The following ZUP1 variants were observed in gnomAD, a reference collection of about 807,000 sequenced individuals.
ZUP1 encodes the protein zinc finger-containing ubiquitin peptidase 1.
In ZUP1, 55 loss-of-function variants were observed where a neutral mutation model predicts 68.1. The ratio of observed to expected loss-of-function variants is 0.81; its 90% CI spans 0.65 to 1.01. ZUP1 has a LOEUF of 1.01. Among genes scored for constraint, ZUP1 ranks in the 50% least tolerant of loss-of-function variants. The pLI, the probability that ZUP1 is intolerant of heterozygous loss-of-function variation, is 0.00. For synonymous variants in ZUP1, 223 were observed against 221.5 expected, an observed-to-expected ratio of 1.01 and a Z score of -0.06; for missense variants, 684 against 674.9, an observed-to-expected ratio of 1.01 and a Z score of -0.15.
intron 9 of ZUP1, 36 bp downstream of exon 9, chr6:116,645,678 C>A: frequency 1.4e-6 from 2 of 1,451,122 alleles, no homozygotes; most frequent in South Asian, 2.6e-5. Flanking sequence ...AAGTTCATCT[C>A]ATTCAAACTT....
Position 116,668,236 on chromosome 6 carries a change from AG to A in ZUP1, c.-16+329del, listed in dbSNP as rs757603562. On this transcript the variant is annotated intron_variant, in intron 1 of 9. Transcript: ENST00000368576. ...CTGATTTTAGAAGGCAGTTCTCCCG[AG>A]CCCCCAGTGGGATTAATGTCACACC... is the stretch of plus-strand genomic sequence containing the variant. 2.0e-5 allele frequency among the ~76,000 whole-genome samples: 3 copies of A among 152,300 alleles called. No homozygotes were observed. The East Asian group carries it at 5.8e-4, about 29-fold the overall frequency.
At chr6:116,638,748 A>T (rs1030819212) in intron 9 of ZUP1, among the ~76,000 whole-genome samples, 1 of 152,242 alleles carries the variant, frequency 6.6e-6, no homozygotes, top group Non-Finnish European at 1.5e-5. Flanking sequence ...TACAGCTCCC[A>T]GCATGAGTGA....
chr6:116,639,838 G>A (rs1399586728), intron 9 of ZUP1, among the ~76,000 whole-genome samples: 1 of 152,204 alleles, frequency 6.6e-6, no homozygotes, highest in African/African-American at 2.4e-5. Flanking sequence ...GCTGGACGGA[G>A]AATGACTTTG....
At chr6:116,659,090 T>C (rs1583376661) in intron 3 of ZUP1, among the ~76,000 whole-genome samples, 166 bp from the exon 4 acceptor site, 2 of 152,342 alleles carry the variant, frequency 1.3e-5, no homozygotes, top group South Asian at 4.1e-4. Flanking sequence ...AGAACTGCTT[T>C]GGTAAGGAAT....
intron 9 of ZUP1, among the ~76,000 whole-genome samples, chr6:116,640,637 C>T (rs1776067142): frequency 6.6e-6 from 1 of 151,944 alleles, no homozygotes; most frequent in Non-Finnish European, 1.5e-5. Context: ...CAAGCAAATG[C>T]TGAGAGATTT....
chr6:116,643,226 T>G (rs888469507), intron 9 of ZUP1, among the ~76,000 whole-genome samples: 89 of 152,226 alleles, frequency 5.8e-4, no homozygotes, highest in African/African-American at 2.1e-3. Flanking sequence ...TGCTCATGGG[T>G]AGGAAGAATC....
chr6:116,667,329 A>T, intron 1 of ZUP1, 122 bp from the exon 2 acceptor site: 1 of 505,738 alleles, frequency 2.0e-6, no homozygotes, highest in South Asian at 7.5e-5. Context: ...TTTTCAATGT[A>T]CTTACTGTTC....
chr6:116,650,609 T>C (rs911939474), intron 7 of ZUP1, among the ~76,000 whole-genome samples: 2 of 152,114 alleles, frequency 1.3e-5, no homozygotes, highest in Non-Finnish European at 2.9e-5. Context: ...TACCTTCTTT[T>C]ATCAATAGTA....
intron 2 of ZUP1, among the ~76,000 whole-genome samples, chr6:116,665,824 C>G (rs1390385681): frequency 6.7e-5 from 10 of 149,376 alleles, no homozygotes; most frequent in Non-Finnish European, 1.5e-4. Context: ...CTCCTGGACT[C>G]AAGGGATCTG....
At chr6:116,641,775 A>T (rs1489626639) in intron 9 of ZUP1, among the ~76,000 whole-genome samples, 1 of 152,156 alleles carries the variant, frequency 6.6e-6, no homozygotes, top group African/African-American at 2.4e-5. Flanking sequence ...TCACAATTAA[A>T]AGAACTAGAA....
intron 4 of ZUP1, 43 bp downstream of exon 4, chr6:116,658,760 C>T (rs1443524312): frequency 1.3e-6 from 2 of 1,499,850 alleles, no homozygotes; most frequent in African/African-American, 2.8e-5. Flanking sequence ...TGAAAAATAA[C>T]TTTACCAAAT....
chr6:116,665,307 G>C (rs1385174268), intron 2 of ZUP1, among the ~76,000 whole-genome samples: 1 of 152,050 alleles, frequency 6.6e-6, no homozygotes, highest in Non-Finnish European at 1.5e-5. Flanking sequence ...CTTTTACATA[G>C]AGTAATTCAA....
At chr6:116,638,896 C>T (rs969343169) in intron 9 of ZUP1, among the ~76,000 whole-genome samples, 9 of 152,300 alleles carry the variant, frequency 5.9e-5, no homozygotes, top group Admixed American at 1.3e-4. Flanking sequence ...TTGCCTCACT[C>T]GGGAAGCGCA....
intron 5 of ZUP1, among the ~76,000 whole-genome samples, chr6:116,655,711 C>T (rs1776642657): frequency 6.6e-6 from 1 of 152,188 alleles, no homozygotes. Flanking sequence ...GCTGTGTAAC[C>T]TTGCTTTGGC....
intron 5 of ZUP1, among the ~76,000 whole-genome samples, chr6:116,652,472 T>A (rs1285507724): frequency 2.0e-5 from 3 of 152,156 alleles, no homozygotes; most frequent in African/African-American, 7.2e-5. Flanking sequence ...TCTTCTTGTG[T>A]CTCCATTTTA....
intron 9 of ZUP1, among the ~76,000 whole-genome samples, chr6:116,639,097 T>C (rs1259592112): frequency 6.6e-6 from 1 of 152,146 alleles, no homozygotes; most frequent in African/African-American, 2.4e-5. Context: ...AGCACAGCAG[T>C]CTGAGATCAA....
At chr6:116,638,766 G>C (rs796779005) in intron 9 of ZUP1, among the ~76,000 whole-genome samples, 1 of 152,246 alleles carries the variant, frequency 6.6e-6, no homozygotes, top group Admixed American at 6.5e-5. Context: ...TGACGCAGAA[G>C]ACGGGTGATT....
intron 9 of ZUP1, among the ~76,000 whole-genome samples, chr6:116,638,066 CAAAAA>C (rs11398572): frequency 1.1e-5 from 1 of 88,820 alleles, no homozygotes; most frequent in African/African-American, 4.0e-5. Context: ...AGTCGGTCTC[CAAAAA>C]AAAAAAAAAA....
At position 116,638,153 on chromosome 6, in the gene ZUP1, C is replaced by T. The variant is rs1455931587; in HGVS notation, c.1690-2274G>A. On this transcript the variant is annotated intron_variant, in intron 9 of 9. Transcript: ENST00000368576. ...CTAGCTCTATTATTTCAAAAACTTACAGTCCTTTCCCCCATGATCCCATTA... is the reference window on the plus strand; with the variant it reads ...CTAGCTCTATTATTTCAAAAACTTATAGTCCTTTCCCCCATGATCCCATTA... Among the ~76,000 whole-genome samples the T allele has an allele frequency of 4.6e-5, 7 of 151,406 alleles. No homozygotes were observed. The East Asian group carries it at 1.2e-3, about 25-fold the overall frequency.
Sources: gnomAD v4.1 joint callset for allele counts (sites outside exome capture counted in the v4.1 genomes callset) on GRCh38, gnomAD v4.1.1 for gene constraint, MANE v1.5 for transcripts, NCBI Gene and HGNC (gene_info 2026-07-23, HGNC 2026-07-21) for gene names.